Variants in SLC16A10 observed in about 807,000 individuals in gnomAD.
The protein encoded by SLC16A10 is solute carrier family 16 member 10, also known as monocarboxylate transporter 10.
In SLC16A10, 27 loss-of-function variants were observed where a neutral mutation model predicts 40.0. The ratio of observed to expected loss-of-function variants is 0.67; its 90% confidence interval spans 0.50 to 0.93. SLC16A10 has a LOEUF of 0.93. Among genes scored for constraint, SLC16A10 ranks in the 40% least tolerant of loss-of-function variants. SLC16A10 has a pLI of 0.00. For missense variants in SLC16A10, 529 were observed against 658.2 expected (o/e 0.80, Z 2.15); for synonymous variants, 213 against 249.8 (o/e 0.85, Z 1.39).
intron 1 of SLC16A10, 27 bp from the exon 2 acceptor site, chr6:111,172,668 C>A (rs1583343088): frequency 6.2e-7 from 1 of 1,602,660 alleles, no homozygotes. Flanking sequence ...TGTCATAATT[C>A]CCCCCACGCT....
rs1290580288 is a variant in SLC16A10 at position 111,228,371 on chromosome 6, T to C, written c.*6136T>C. Reference sequence around the variant, plus strand: ...AGTTTTTTAAAATGCTGTTCTTGAGTGTGGCAATAGTGTAGGAGTTAACCC... The same window carrying C: ...AGTTTTTTAAAATGCTGTTCTTGAGCGTGGCAATAGTGTAGGAGTTAACCC... On this transcript the variant is annotated 3_prime_UTR_variant, in exon 6 of 6. Coordinates refer to ENST00000368851, the MANE Select transcript of SLC16A10 (RefSeq NM_018593.5). The C allele has an allele frequency of 6.6e-6, 1 of 152,120 alleles. No homozygotes were observed. Among genetic ancestry groups the C allele is most frequent in the African/African-American group, 2.4e-5 (1 of 41,420 alleles). The allele number at this position is 152,120 out of a possible 1,614,324, so 9.4% of individuals were successfully genotyped here.
At chr6:111,129,142 T>A (rs1771737416) in intron 1 of SLC16A10, among the ~76,000 whole-genome samples, 1 of 152,232 alleles carries the variant, frequency 6.6e-6, no homozygotes, top group Non-Finnish European at 1.5e-5. Flanking sequence ...GAGGCATTAC[T>A]AATTGATTGG....
chr6:111,188,138 C>T (rs1461721403), intron 3 of SLC16A10, among the ~76,000 whole-genome samples: 2 of 152,004 alleles, frequency 1.3e-5, no homozygotes, highest in Non-Finnish European at 2.9e-5. Flanking sequence ...TGAAGAGTTG[C>T]CCTATCTCAG....
intron 4 of SLC16A10, among the ~76,000 whole-genome samples, chr6:111,216,151 A>G (rs556075702): frequency 6.6e-6 from 1 of 152,224 alleles, no homozygotes; most frequent in East Asian, 1.9e-4. Flanking sequence ...AAGTCTTTTT[A>G]CTTGCTCAAG....
intron 1 of SLC16A10, among the ~76,000 whole-genome samples, chr6:111,106,092 T>G (rs1378780927): frequency 2.6e-5 from 4 of 152,208 alleles, no homozygotes; most frequent in Admixed American, 2.6e-4. Flanking sequence ...AGTACTGGCT[T>G]ACTGACTAGT....
chr6:111,223,219 T>C lies in SLC16A10; in HGVS notation c.*984T>C, dbSNP rs1770935712. 6.6e-6 allele frequency: 1 copy of C among 152,178 alleles called. No homozygotes were observed. The highest frequency in any genetic ancestry group is 2.1e-4 in the South Asian group (1 of 4,824). The allele number at this position is 152,178 out of a possible 1,614,324, so 9.4% of individuals were successfully genotyped here. ...AGCTGATAGAAATAATTGCTTAAAT[T>C]GGTTTATGAAATTAATGAGTCTGAA... On this transcript the variant is annotated 3_prime_UTR_variant, in exon 6 of 6. Coordinates refer to ENST00000368851, the MANE Select transcript of SLC16A10 (RefSeq NM_018593.5).
Position 111,177,559 on chromosome 6 carries a change from CA to C in SLC16A10, c.844del (p.Ile282PhefsTer9), listed in dbSNP as rs1207703215. 3 of 1,610,250 alleles carry C rather than the reference CA, an allele frequency of 1.9e-6. No individual in the cohort carries two copies. The highest frequency in any genetic ancestry group is 1.7e-6 in the Non-Finnish European group (2 of 1,178,800). On this transcript the variant is annotated frameshift_variant, in exon 3 of 6. Transcript: ENST00000368851. LOFTEE classifies it high-confidence loss of function. ...TTTTCCAGGAAAAAGTTCAGTCCTCCAAAAAAAATTTTCAATTTTGCCATCT... is the reference window on the plus strand; with the variant it reads ...TTTTCCAGGAAAAAGTTCAGTCCTCCAAAAAAATTTTCAATTTTGCCATCT... Reference protein sequence around the residue: ...SLFSRKKFSPPKKIFNFAIFK... With the variant: ...SLFSRKKFSPXKKIFNFAIFK...
At chr6:111,165,174 T>G (rs1008173514) in intron 1 of SLC16A10, among the ~76,000 whole-genome samples, 1 of 152,212 alleles carries the variant, frequency 6.6e-6, no homozygotes, top group Non-Finnish European at 1.5e-5. Flanking sequence ...TTCTAGGGCC[T>G]AATAAATAGT....
chr6:111,181,090 C>T (rs1219051987), intron 3 of SLC16A10, among the ~76,000 whole-genome samples: 1 of 151,806 alleles, frequency 6.6e-6, no homozygotes, highest in Non-Finnish European at 1.5e-5. Flanking sequence ...TTGCTTGCAC[C>T]TGTAATCTCA....
intron 1 of SLC16A10, among the ~76,000 whole-genome samples, chr6:111,140,582 T>C (rs935114287): frequency 1.3e-5 from 2 of 152,212 alleles, no homozygotes; most frequent in Non-Finnish European, 1.5e-5. Flanking sequence ...CCTATGTCTA[T>C]GGAGGTATGT....
Position 111,206,744 on chromosome 6 carries a change from T to A in SLC16A10, c.1086+9T>A, listed in dbSNP as rs1270461102. ...AGAAGGTTTATCTACAGGTACTTTT[T>A]TACACCTTTTTTCCCCTATCAAAAA... On this transcript the variant is annotated intron_variant, in intron 4 of 5. Transcript: ENST00000368851. The A allele has an allele frequency of 1.9e-6, 3 of 1,611,026 alleles. No individual in the cohort carries two copies. Among genetic ancestry groups the A allele is most frequent in the Non-Finnish European group, 2.5e-6 (3 of 1,179,344 alleles).
intron 3 of SLC16A10, among the ~76,000 whole-genome samples, chr6:111,191,066 C>T (rs542264998): frequency 3.9e-5 from 6 of 152,156 alleles, no homozygotes; most frequent in South Asian, 2.1e-4. Context: ...ATGTGCAGAA[C>T]GTGCAGGTTT....
chr6:111,138,357 T>A (rs1771919278), intron 1 of SLC16A10, among the ~76,000 whole-genome samples: 1 of 152,228 alleles, frequency 6.6e-6, no homozygotes, highest in Non-Finnish European at 1.5e-5. Context: ...CTGATTGTCT[T>A]ATTCATCATG....
chr6:111,106,769 C>A (rs1444485561), intron 1 of SLC16A10, among the ~76,000 whole-genome samples: 1 of 152,172 alleles, frequency 6.6e-6, no homozygotes, highest in East Asian at 1.9e-4. Flanking sequence ...TGCATTGCAG[C>A]ATGATCATTC....
chr6:111,155,366 CG>C (rs998614696), intron 1 of SLC16A10, among the ~76,000 whole-genome samples: 15 of 151,208 alleles, frequency 9.9e-5, no homozygotes, highest in African/African-American at 3.2e-4. Flanking sequence ...AAAGTTGTTT[CG>C]TTTTTTTTTT....
chr6:111,116,802 G>A (rs1203779543), intron 1 of SLC16A10, among the ~76,000 whole-genome samples: 4 of 152,116 alleles, frequency 2.6e-5, no homozygotes, highest in Non-Finnish European at 5.9e-5. Flanking sequence ...AAAAATTTTT[G>A]TACTTAATTC....
chr6:111,196,894 G>T (rs1190816471), intron 3 of SLC16A10, among the ~76,000 whole-genome samples: 1 of 152,156 alleles, frequency 6.6e-6, no homozygotes, highest in African/African-American at 2.4e-5. Flanking sequence ...ATAGATACGG[G>T]TATCTGAGGA....
At chr6:111,201,187 G>C (rs746744225) in intron 3 of SLC16A10, among the ~76,000 whole-genome samples, 26 of 152,190 alleles carry the variant, frequency 1.7e-4, no homozygotes, top group Non-Finnish European at 2.9e-4. Flanking sequence ...AGGAAGGACA[G>C]AGATGAGAGA....
At chr6:111,094,082 C>T (rs1423416707) in intron 1 of SLC16A10, among the ~76,000 whole-genome samples, 2 of 152,062 alleles carry the variant, frequency 1.3e-5, no homozygotes, top group East Asian at 3.8e-4. Flanking sequence ...ACCCAATTAG[C>T]CAAAATGAAA....
Sources: gnomAD v4.1 joint callset for allele counts (sites outside exome capture counted in the v4.1 genomes callset) on GRCh38, gnomAD v4.1.1 for gene constraint, MANE v1.5 for transcripts, NCBI Gene and HGNC (gene_info 2026-07-23, HGNC 2026-07-21) for gene names.